KCNQ2: variants seen among roughly 807,000 people sequenced by gnomAD.
KCNQ2 encodes the protein potassium voltage-gated channel subfamily Q member 2.
In KCNQ2, 14 loss-of-function variants were observed where a neutral mutation model predicts 84.8. The observed-to-expected ratio is 0.17, with a 90% confidence interval of 0.11 to 0.26. The LOEUF is 0.26. KCNQ2 is among the 10% of genes least tolerant of loss of function. KCNQ2 has a pLI of 1.00. For missense variants in KCNQ2, 788 were observed against 1,254.0 expected, an observed-to-expected ratio of 0.63 and a Z score of 5.61; for synonymous variants, 599 against 554.1, an observed-to-expected ratio of 1.08 and a Z score of -1.14.
chr20:63,435,480 G>A (rs1568920063), intron 7 of KCNQ2, among the ~76,000 whole-genome samples: 1 of 152,138 alleles, frequency 6.6e-6, no homozygotes, highest in African/African-American at 2.4e-5. Context: ...TCTAACAGGT[G>A]AGGAGCAGCA....
rs551864978 is a variant in KCNQ2, at chr20:63,419,005, A to G, written c.1301+614T>C. On this transcript the variant is annotated intron_variant, in intron 12 of 16. Coordinates refer to ENST00000359125, the MANE Select transcript of KCNQ2 (RefSeq NM_172107.4). ...GGGCCCCCAGCGCAGGCCTGCACAC[A>G]CCCAACAGCAGACAGGGGACGCGGG... Among the ~76,000 whole-genome samples, 46 of 152,148 alleles carry G rather than the reference A, an allele frequency of 3.0e-4. 1 individual carries two copies. The highest frequency in any genetic ancestry group is 5.2e-4 in the Non-Finnish European group (35 of 67,958).
At chr20:63,436,358 C>T (rs545109965) in intron 7 of KCNQ2, among the ~76,000 whole-genome samples, 11 of 152,174 alleles carry the variant, frequency 7.2e-5, no homozygotes, top group Non-Finnish European at 7.4e-5. Flanking sequence ...GGTGAAACCC[C>T]GTCTCTACTA....
intron 4 of KCNQ2, chr20:63,443,502 C>CGAT (rs2081322237): frequency 3.7e-5 from 3 of 81,238 alleles, no homozygotes; most frequent in Non-Finnish European, 5.3e-5. Flanking sequence ...ACCATCACCA[C>CGAT]CACCACGATC....
chr20:63,464,459 C>T (rs1418997937), intron 1 of KCNQ2, among the ~76,000 whole-genome samples: 1 of 152,078 alleles, frequency 6.6e-6, no homozygotes, highest in Non-Finnish European at 1.5e-5. Flanking sequence ...TCCCGTCGCC[C>T]CGTCCTCCAC....
At chr20:63,445,450 C>A in intron 2 of KCNQ2, 86 bp from the exon 3 acceptor site, 1 of 1,514,720 alleles carries the variant, frequency 6.6e-7, no homozygotes, top group Non-Finnish European at 9.0e-7. Context: ...GCAGTTCTGG[C>A]CCAGGGACCA....
intron 4 of KCNQ2, among the ~76,000 whole-genome samples, chr20:63,443,090 T>TCAC (rs1300936027): frequency 2.6e-4 from 3 of 11,326 alleles, no homozygotes; most frequent in South Asian, 4.9e-3. Flanking sequence ...ACCACCATTA[T>TCAC]CACCACCATC....
chr20:63,469,196 G>A (rs997947904), intron 1 of KCNQ2, among the ~76,000 whole-genome samples: 1 of 152,180 alleles, frequency 6.6e-6, no homozygotes, highest in African/African-American at 2.4e-5. Flanking sequence ...AGTCCCCTGC[G>A]GCAGCCCCAG....
intron 4 of KCNQ2, among the ~76,000 whole-genome samples, chr20:63,443,289 T>A (rs1292066947): frequency 3.5e-4 from 6 of 17,188 alleles, no homozygotes; most frequent in Non-Finnish European, 4.8e-4. Flanking sequence ...ACCATCACCA[T>A]CATCACCACC....
chr20:63,443,547 CCATCATG>C (rs1481520512), intron 4 of KCNQ2: 2 of 118,146 alleles, frequency 1.7e-5, no homozygotes, highest in East Asian at 2.8e-4. Context: ...ACCACCATGA[CCATCATG>C]ACCATCACCA....
chr20:63,413,239 C>T lies in KCNQ2; in HGVS notation c.1763+211G>A, dbSNP rs756855813. 194 of 602,874 alleles carry T rather than the reference C, an allele frequency of 3.2e-4. 1 individual carries two copies. Among genetic ancestry groups the T allele is most frequent in the Non-Finnish European group, 5.1e-4 (170 of 330,310 alleles). 37.3% of individuals were successfully genotyped at this position (602,874 alleles called of 1,614,324 possible). Reference sequence around the variant, plus strand: ...CACACAGGTGCACGCACTTGCCCACCGCGGTGTGGATGGGGGAGAGATGGG... The same window carrying T: ...CACACAGGTGCACGCACTTGCCCACTGCGGTGTGGATGGGGGAGAGATGGG... On this transcript the variant is annotated intron_variant, in intron 15 of 16. Transcript: ENST00000359125.
At chr20:63,436,462 T>C (rs1443963459) in intron 7 of KCNQ2, among the ~76,000 whole-genome samples, 1 of 149,076 alleles carries the variant, frequency 6.7e-6, no homozygotes, top group South Asian at 2.1e-4. Context: ...ACCAGGGAGG[T>C]GGAGCTTGCA....
At chr20:63,422,271 G>C (rs749858880) in intron 11 of KCNQ2, 3 of 152,446 alleles carry the variant, frequency 2.0e-5, no homozygotes, top group African/African-American at 7.2e-5. Flanking sequence ...TCCTAAGCAC[G>C]ACCCTACACT....
chr20:63,426,500 CTTT>C (rs11479722), intron 10 of KCNQ2, among the ~76,000 whole-genome samples: 3 of 146,694 alleles, frequency 2.0e-5, no homozygotes, highest in African/African-American at 2.5e-5. Flanking sequence ...CCCTGAATGC[CTTT>C]TTTTTTTTTT....
rs1568933788 is a variant in KCNQ2 at position 63,442,692 on chromosome 20, T to TCACCAA, written c.691-162_691-161insTTGGTG. Among the ~76,000 whole-genome samples the TCACCAA allele has an allele frequency of 5.0e-4, 25 of 50,130 alleles. 1 individual carries two copies. The highest frequency in any genetic ancestry group is 1.7e-3 in the African/African-American group (21 of 12,258). The allele number at this position is 50,130 out of a possible 152,430, so 32.9% of individuals were successfully genotyped here. On this transcript the variant is annotated intron_variant, in intron 4 of 16. Transcript: ENST00000359125. ...ACCACCACCACCACCACCATCACCATCACCACCATCACCATCACCACCACC... is the reference window on the plus strand; with the variant it reads ...ACCACCACCACCACCACCATCACCATCACCAACACCACCATCACCATCACCACCACC...
intron 4 of KCNQ2, 73 bp downstream of exon 4, chr20:63,444,586 G>A: frequency 1.5e-6 from 2 of 1,325,286 alleles, no homozygotes; most frequent in Non-Finnish European, 2.0e-6. Flanking sequence ...CCCAGGCAGG[G>A]GTGGGGCCCG....
intron 1 of KCNQ2, among the ~76,000 whole-genome samples, chr20:63,450,442 G>C (rs1206447182): frequency 6.3e-5 from 8 of 126,776 alleles, no homozygotes; most frequent in African/African-American, 2.1e-4. Flanking sequence ...GGTGTGGGAC[G>C]CTGTGGCTGC....
intron 3 of KCNQ2, among the ~76,000 whole-genome samples, 170 bp downstream of exon 3, chr20:63,445,068 G>GTTAA (rs1159721937): frequency 3.3e-5 from 5 of 152,178 alleles, no homozygotes; most frequent in African/African-American, 1.2e-4. Flanking sequence ...TTTAGGCAGA[G>GTTAA]TTAACCACAG....
At chr20:63,433,986 G>A in intron 7 of KCNQ2, 83 bp from the exon 8 acceptor site, 2 of 1,230,192 alleles carry the variant, frequency 1.6e-6, no homozygotes, top group Non-Finnish European at 2.4e-6. Flanking sequence ...AGGGAACGGG[G>A]CAGAGGGGAC....
chr20:63,409,993 G>A (rs1286724172), intron 15 of KCNQ2: 1 of 294,920 alleles, frequency 3.4e-6, no homozygotes, highest in East Asian at 1.4e-4. Context: ...GGGTGGGCCA[G>A]GGGTGTTATC....
Sources: allele counts gnomAD v4.1 joint callset (sites outside exome capture counted in the v4.1 genomes callset), GRCh38; gene constraint gnomAD v4.1.1; transcripts MANE v1.5; gene names NCBI Gene and HGNC (gene_info 2026-07-23, HGNC 2026-07-21).